RSBN1: variants seen among roughly 807,000 people sequenced by gnomAD.
The protein encoded by RSBN1 is round spermatid basic protein 1, also known as lysine-specific demethylase 9.
In RSBN1, 23 loss-of-function variants were observed where a neutral mutation model predicts 74.8. The observed-to-expected ratio is 0.31, with a 90% confidence interval of 0.22 to 0.44. RSBN1 has a LOEUF of 0.44. Among genes scored for constraint, RSBN1 ranks in the 20% least tolerant of loss-of-function variants. RSBN1 has a pLI of 1.00. For missense variants in RSBN1, 808 were observed against 1,020.9 expected, an observed-to-expected ratio of 0.79 and a Z score of 2.84; for synonymous variants, 407 against 379.6, an observed-to-expected ratio of 1.07 and a Z score of -0.84.
At chr1:113,798,520 T>A (rs1453691679) in intron 1 of RSBN1, among the ~76,000 whole-genome samples, 2 of 152,186 alleles carry the variant, frequency 1.3e-5, no homozygotes, top group East Asian at 3.9e-4. Flanking sequence ...AGCCATGAGA[T>A]ATCATTTTTT....
intron 1 of RSBN1, 26 bp from the exon 2 acceptor site, chr1:113,798,062 T>C: frequency 6.4e-6 from 10 of 1,571,324 alleles, no homozygotes; most frequent in Non-Finnish European, 8.6e-6. Flanking sequence ...AAAAAGAAGT[T>C]AGTTGCTAGG....
intron 5 of RSBN1, 42 bp downstream of exon 5, chr1:113,768,180 T>C (rs1423365573): frequency 6.5e-7 from 1 of 1,539,288 alleles, no homozygotes; most frequent in Non-Finnish European, 8.8e-7. Flanking sequence ...CATTGTCTTA[T>C]ACAATATTAA....
Position 113,765,006 on chromosome 1 carries a change from T to G in RSBN1, c.*974A>C, listed in dbSNP as rs1234094918. The G allele has an allele frequency of 6.6e-6, 1 of 152,276 alleles. No homozygotes were observed. The highest frequency in any genetic ancestry group is 1.5e-5 in the Non-Finnish European group (1 of 68,004). 9.4% of individuals were successfully genotyped at this position (152,276 alleles called of 1,614,324 possible). The stretch of plus-strand genomic sequence containing the variant: ...AACCCAGGTATTCACCAGTTAAAAC[T>G]GTGAATTGAAGTGTCTCAGTAGTAG... On this transcript the variant is annotated 3_prime_UTR_variant, in exon 7 of 7. Coordinates refer to ENST00000261441, the MANE Select transcript of RSBN1 (RefSeq NM_018364.5).
chr1:113,792,675 G>A (rs901464921), intron 2 of RSBN1, among the ~76,000 whole-genome samples: 2 of 152,178 alleles, frequency 1.3e-5, no homozygotes, highest in African/African-American at 4.8e-5. Flanking sequence ...TTTATGTACT[G>A]GGGTACAGTG....
At chr1:113,790,403 G>C (rs1660341311) in intron 2 of RSBN1, among the ~76,000 whole-genome samples, 1 of 152,142 alleles carries the variant, frequency 6.6e-6, no homozygotes, top group Admixed American at 6.5e-5. Context: ...CTAAGGGATG[G>C]TATTCATAAC....
At chr1:113,775,244 C>T (rs1263426887) in intron 4 of RSBN1, among the ~76,000 whole-genome samples, 1 of 151,780 alleles carries the variant, frequency 6.6e-6, no homozygotes, top group African/African-American at 2.4e-5. Context: ...AGGATGGTCT[C>T]GAACTCCTGA....
chr1:113,786,153 T>C (rs1660238792), intron 2 of RSBN1, among the ~76,000 whole-genome samples: 1 of 152,190 alleles, frequency 6.6e-6, no homozygotes, highest in Non-Finnish European at 1.5e-5. Context: ...ATTGTCAAGA[T>C]GTGGACAAAG....
At chr1:113,810,741 GA>G (rs1243856537) in intron 1 of RSBN1, among the ~76,000 whole-genome samples, 1 of 152,070 alleles carries the variant, frequency 6.6e-6, no homozygotes, top group Non-Finnish European at 1.5e-5. Context: ...CCAGTACTAA[GA>G]AACAAGTATT....
At chr1:113,806,719 G>C (rs1660705194) in intron 1 of RSBN1, among the ~76,000 whole-genome samples, 1 of 151,114 alleles carries the variant, frequency 6.6e-6, no homozygotes, top group African/African-American at 2.4e-5. Context: ...AGGTAGAAAG[G>C]ACCAGGCACA....
At chr1:113,781,673 G>GT (rs757628834) in intron 2 of RSBN1, among the ~76,000 whole-genome samples, 15 of 152,018 alleles carry the variant, frequency 9.9e-5, no homozygotes, top group Non-Finnish European at 1.8e-4. Flanking sequence ...TCGTTTTTTT[G>GT]TAAGGTTCCC....
intron 2 of RSBN1, among the ~76,000 whole-genome samples, chr1:113,790,313 A>T (rs1660340029): frequency 6.6e-6 from 1 of 152,188 alleles, no homozygotes; most frequent in South Asian, 2.1e-4. Context: ...ACCCAATGCC[A>T]CAGAATTATA....
At chr1:113,768,477 T>C in intron 4 of RSBN1, 88 bp from the exon 5 acceptor site, 1 of 922,818 alleles carries the variant, frequency 1.1e-6, no homozygotes, top group South Asian at 1.8e-5. Flanking sequence ...GGCAAAAAAG[T>C]CTGCTAAAAT....
intron 1 of RSBN1, among the ~76,000 whole-genome samples, chr1:113,808,051 T>C (rs1007945525): frequency 6.6e-6 from 1 of 152,082 alleles, no homozygotes; most frequent in Non-Finnish European, 1.5e-5. Flanking sequence ...GGATTTCTCT[T>C]ACACCGCTGA....
rs116305562 is a variant in RSBN1 at position 113,796,685 on chromosome 1, A to G, written c.1377+678T>C. 2.3e-3 allele frequency among the ~76,000 whole-genome samples: 347 copies of G among 152,320 alleles called. 4 individuals are homozygous for G. The highest frequency in any genetic ancestry group is 8.0e-3 in the African/African-American group (332 of 41,572). ...ATTCTTACGAGAAAAGCAAGTAAGA[A>G]AAAAACTAGGACACATTATTAACTT... On this transcript the variant is annotated intron_variant, in intron 2 of 6. Transcript: ENST00000261441.
intron 6 of RSBN1, 127 bp from the exon 7 acceptor site, chr1:113,766,580 C>A: frequency 3.1e-6 from 2 of 636,770 alleles, no homozygotes; most frequent in Non-Finnish European, 5.3e-6. Context: ...AATTAAGCAA[C>A]ACTAAATGAT....
Position 113,768,528 on chromosome 1 carries a change from A to G in RSBN1, c.1659-139T>C, listed in dbSNP as rs183304228. Reference sequence around the variant, plus strand: ...GATGAGGACTGAGAAGGGTTCAATGATTATGATCATTAGCATTTAACACAC... The same window carrying G: ...GATGAGGACTGAGAAGGGTTCAATGGTTATGATCATTAGCATTTAACACAC... On this transcript the variant is annotated intron_variant, in intron 4 of 6. Transcript: ENST00000261441. 9.0e-6 allele frequency: 5 copies of G among 558,074 alleles called. No individual in the cohort carries two copies. In the Admixed American group the frequency reaches 1.7e-4, roughly 18 times the overall value. 34.6% of individuals were successfully genotyped at this position (558,074 alleles called of 1,614,324 possible).
At chr1:113,794,753 T>A (rs564772411) in intron 2 of RSBN1, among the ~76,000 whole-genome samples, 1 of 152,294 alleles carries the variant, frequency 6.6e-6, no homozygotes, top group African/African-American at 2.4e-5. Context: ...GTACCTCTAC[T>A]CAAGTAGTAC....
Position 113,811,979 on chromosome 1 carries a change from G to A in RSBN1, c.434C>T (p.Pro145Leu). ...GGGTGCCAGCGAAGGTGGCGGCGGA[G>A]GCGGCAGGAGAAGAGGCTCAACAGG... ...PGPVEPLLLP[P>L]PPPPSLAPAG... Residue 145 changes from proline (P) to leucine (L), a missense_variant, in exon 1 of 7, where the codon CCT (proline) becomes CTT (leucine). Physicochemically the swap from Pro to Leu is moderately conservative, Grantham distance 98. Around this residue, in one of 6 missense-constraint regions of RSBN1, gnomAD observed 464 missense variants for 401.0 expected, o/e 1.16. Transcript: ENST00000261441. The A allele has an allele frequency of 1.3e-6, 2 of 1,567,026 alleles. No homozygotes were observed. Among genetic ancestry groups the A allele is most frequent in the Admixed American group, 1.9e-5 (1 of 52,402 alleles).
Position 113,766,450 on chromosome 1 carries a change from C to G in RSBN1, c.1939G>C (p.Val647Leu). 1 of 1,580,372 alleles carries G rather than the reference C, an allele frequency of 6.3e-7. No homozygotes were observed. Among genetic ancestry groups the G allele is most frequent in the South Asian group, 1.1e-5 (1 of 88,870 alleles). Reference sequence around the variant, plus strand: ...AGTTTAGCTTCATCTACCCACTGTACGCACTGAAGAAAGAAAAAAGTTACG... The same window carrying G: ...AGTTTAGCTTCATCTACCCACTGTAGGCACTGAAGAAAGAAAAAAGTTACG... ...DLHEPPVSQC[V>L]QWVDEAKLNQ... Residue 647 changes from valine to leucine, a missense_variant, in exon 7 of 7, where the codon GTA (valine) becomes CTA (leucine). By Grantham distance (32) the Val-to-Leu change is conservative. Transcript: ENST00000261441.
Sources: gnomAD v4.1 joint callset for allele counts (sites outside exome capture counted in the v4.1 genomes callset) on GRCh38, gnomAD v4.1.1 for gene constraint, gnomAD v4.1.1 regional missense constraint, MANE v1.5 for transcripts, NCBI Gene and HGNC (gene_info 2026-07-23, HGNC 2026-07-21) for gene names.